Variants in SMARCA2 observed in about 807,000 individuals in gnomAD.
SMARCA2 encodes the protein SWI/SNF related BAF chromatin remodeling complex subunit ATPase 2, also known as SWI/SNF-related matrix-associated actin-dependent regulator of chromatin subfamily A member 2.
SMARCA2 carries 61 observed loss-of-function variants against 199.8 expected under a neutral mutation model. The observed-to-expected ratio is 0.31, with a 90% CI of 0.25 to 0.38. The LOEUF (loss-of-function observed/expected upper bound fraction) is 0.38, where lower values mean the gene tolerates loss of function less well. Ranked by LOEUF, SMARCA2 falls within the 10% of genes least tolerant of loss-of-function variation. The pLI is 1.00. For missense variants in SMARCA2, 1,344 were observed against 2,012.2 expected, an observed-to-expected ratio of 0.67 and a Z score of 6.35; for synonymous variants, 935 against 732.0, an observed-to-expected ratio of 1.28 and a Z score of -4.48.
Position 2,193,063 on chromosome 9 carries a change from G to T in SMARCA2, c.*324G>T, listed in dbSNP as rs550337302. ...TTTGGTAACGGTTTGATTGTGCCTGGTTTTATCACCTGTTCAGATGAGAAG... is the reference window on the plus strand; with the variant it reads ...TTTGGTAACGGTTTGATTGTGCCTGTTTTTATCACCTGTTCAGATGAGAAG... On this transcript the variant is annotated 3_prime_UTR_variant, in exon 34 of 34. Coordinates refer to ENST00000349721, the MANE Select transcript of SMARCA2 (RefSeq NM_003070.5). The T allele has an allele frequency of 1.2e-5, 3 of 256,292 alleles. No homozygotes were observed. The highest frequency in any genetic ancestry group is 1.5e-5 in the Non-Finnish European group (2 of 136,514). The allele number at this position is 256,292 out of a possible 1,614,324, so 15.9% of individuals were successfully genotyped here.
In SMARCA2 at chr9:2,125,664, A is replaced by G. The variant is rs536374411; in HGVS notation, c.3981+1727A>G. 4.6e-5 allele frequency among the ~76,000 whole-genome samples: 7 copies of G among 151,986 alleles called. No homozygotes were observed. The South Asian group carries it at 1.2e-3, about 27-fold the overall frequency. On this transcript the variant is annotated intron_variant, in intron 27 of 33. Coordinates refer to ENST00000349721, the MANE Select transcript of SMARCA2 (RefSeq NM_003070.5). Reference sequence around the variant, plus strand: ...ACCACCATGCCCGGCTAATTTTTATATTTTTAGTAGAGACGGGGTTTCACC... The same window carrying G: ...ACCACCATGCCCGGCTAATTTTTATGTTTTTAGTAGAGACGGGGTTTCACC...
intron 5 of SMARCA2, among the ~76,000 whole-genome samples, chr9:2,051,187 T>C (rs551964316): frequency 1.3e-5 from 2 of 152,340 alleles, no homozygotes; most frequent in East Asian, 3.9e-4. Context: ...GCCCCTCCTG[T>C]ACCTTTGCTT....
chr9:2,047,517 G>A (rs561596986), intron 5 of SMARCA2, 33 bp downstream of exon 5: 22 of 1,353,542 alleles, frequency 1.6e-5, no homozygotes, highest in Admixed American at 3.0e-5. Context: ...GGCCCCCTGC[G>A]GTGTGCTAGC....
At chr9:2,100,091 G>T (rs1380225787) in intron 21 of SMARCA2, among the ~76,000 whole-genome samples, 1 of 152,192 alleles carries the variant, frequency 6.6e-6, no homozygotes, top group African/African-American at 2.4e-5. Flanking sequence ...AAAAGCTGCA[G>T]GGATCCAGGG....
Position 2,170,604 on chromosome 9 carries a change from G to T in SMARCA2, c.4253+132G>T. The T allele has an allele frequency of 7.0e-7, 1 of 1,435,586 alleles. No individual in the cohort carries two copies. Among genetic ancestry groups the T allele is most frequent in the Non-Finnish European group, 9.6e-7 (1 of 1,042,084 alleles). 88.9% of individuals were successfully genotyped at this position (1,435,586 alleles called of 1,614,324 possible). ...CCTCCTGATCACCCCTACTTGGAGA[G>T]CGGGATAGAGGCACAGATACTCTTA... On this transcript the variant is annotated intron_variant, in intron 29 of 33. Transcript: ENST00000349721. The surrounding 1 kb of genome is among the most constrained non-coding windows in gnomAD (Gnocchi z 4.7).
intron 5 of SMARCA2, among the ~76,000 whole-genome samples, chr9:2,048,453 A>G (rs1320836252): frequency 6.6e-6 from 1 of 152,198 alleles, no homozygotes; most frequent in Non-Finnish European, 1.5e-5. Flanking sequence ...AATAATACCT[A>G]TTATTATTTC....
intron 19 of SMARCA2, among the ~76,000 whole-genome samples, chr9:2,096,442 T>G (rs1288619210): frequency 6.6e-6 from 1 of 152,166 alleles, no homozygotes; most frequent in Admixed American, 6.5e-5. Context: ...CAATTACATA[T>G]AACCTTCAGA....
At chr9:2,165,361 A>G (rs1030383669) in intron 28 of SMARCA2, among the ~76,000 whole-genome samples, 2 of 152,184 alleles carry the variant, frequency 1.3e-5, no homozygotes, top group African/African-American at 2.4e-5. Flanking sequence ...AAGATCATTT[A>G]TGTGTGTGTT....
At chr9:2,177,677 C>T (rs1826707349) in intron 29 of SMARCA2, among the ~76,000 whole-genome samples, 6 of 152,236 alleles carry the variant, frequency 3.9e-5, no homozygotes, top group East Asian at 3.9e-4. Context: ...CTCAGCCTCC[C>T]TAGTAGCCGG....
At chr9:2,149,035 T>G (rs1824907682) in intron 27 of SMARCA2, among the ~76,000 whole-genome samples, 1 of 150,968 alleles carries the variant, frequency 6.6e-6, no homozygotes, top group South Asian at 2.1e-4. Context: ...CTAAGTGTGT[T>G]TATTAGTAAA....
chr9:2,107,229 A>T (rs1043490284), intron 23 of SMARCA2, among the ~76,000 whole-genome samples: 3 of 152,244 alleles, frequency 2.0e-5, no homozygotes, highest in African/African-American at 7.2e-5. Context: ...AAACCTTATG[A>T]TAAGAAATGC....
At chr9:2,069,521 C>G (rs145203470) in intron 9 of SMARCA2, among the ~76,000 whole-genome samples, 2 of 150,180 alleles carry the variant, frequency 1.3e-5, no homozygotes, top group Admixed American at 1.3e-4. Context: ...ATCGGGCCAC[C>G]GCACTCCAGC....
intron 9 of SMARCA2, among the ~76,000 whole-genome samples, chr9:2,063,972 G>GAAA (rs1158788733): frequency 6.6e-6 from 1 of 152,176 alleles, no homozygotes; most frequent in Non-Finnish European, 1.5e-5. Flanking sequence ...GGAAGAAGAA[G>GAAA]AAGTGAACTA....
intron 27 of SMARCA2, among the ~76,000 whole-genome samples, chr9:2,136,179 CCT>C (rs1273139611): frequency 2.7e-5 from 4 of 147,494 alleles, no homozygotes; most frequent in South Asian, 2.1e-4. Flanking sequence ...ATAATTATCC[CCT>C]GCTTCTTTTT....
chr9:2,058,767 C>G (rs563329907), intron 8 of SMARCA2, among the ~76,000 whole-genome samples: 3 of 152,228 alleles, frequency 2.0e-5, no homozygotes, highest in African/African-American at 7.2e-5. Flanking sequence ...AGTTTGATAA[C>G]CAGATCTGGA....
chr9:2,174,924 CAAAAAAAAAAAA>C (rs61327057), intron 29 of SMARCA2, among the ~76,000 whole-genome samples: 13 of 62,304 alleles, frequency 2.1e-4, no homozygotes, highest in East Asian at 8.5e-4. Context: ...GACCCTCTCT[CAAAAAAAAAAAA>C]AAAAAAAAAA....
At chr9:2,154,169 C>A (rs189784305) in intron 27 of SMARCA2, among the ~76,000 whole-genome samples, 2 of 152,172 alleles carry the variant, frequency 1.3e-5, no homozygotes, top group Non-Finnish European at 2.9e-5. Flanking sequence ...GAGTGGCTAC[C>A]TTTTTAGGGT....
Position 2,029,082 on chromosome 9 carries a change from G to C in SMARCA2, c.60G>C (p.Gly20=), listed in dbSNP as rs1052098467. 7.0e-6 allele frequency: 11 copies of C among 1,576,612 alleles called. No homozygotes were observed. The highest frequency in any genetic ancestry group is 5.4e-5 in the African/African-American group (4 of 73,890). Residue 20 remains glycine, a synonymous_variant, in exon 2 of 34, where the codon GGG becomes GGC. Coordinates refer to ENST00000349721, the MANE Select transcript of SMARCA2 (RefSeq NM_003070.5). ...MPHPGPSPGP[G]PSPGPILGPS... ...ACCCAGGGCCTTCGCCGGGGCCTGG[G>C]CCTTCCCCTGGGCCAATTCTTGGGC...
chr9:2,155,311 C>T (rs113371968), intron 27 of SMARCA2, among the ~76,000 whole-genome samples: 2,669 of 151,820 alleles, frequency 0.018, 82 homozygotes, highest in African/African-American at 0.061. Context: ...GAGACTGAGT[C>T]TTGCTCTGTT....
Sources: gnomAD v4.1 joint callset for allele counts (sites outside exome capture counted in the v4.1 genomes callset) on GRCh38, gnomAD v4.1.1 for gene constraint, Gnocchi (gnomAD v3.1) non-coding constraint, MANE v1.5 for transcripts, NCBI Gene and HGNC (gene_info 2026-07-23, HGNC 2026-07-21) for gene names.